DOK5: variants seen among roughly 807,000 people sequenced by gnomAD.
DOK5 encodes docking protein 5, also known as downstream of tyrosine kinase 5.
A neutral mutation model predicts 43.3 loss-of-function variants in DOK5; 27 were observed. That is an observed-to-expected ratio of 0.62 (90% CI 0.46 to 0.86). DOK5 has a LOEUF of 0.86. Ranked by LOEUF, DOK5 falls within the 40% of genes least tolerant of loss-of-function variation. DOK5 has a pLI of 0.00. For synonymous variants in DOK5, 146 were observed against 140.1 expected, an observed-to-expected ratio of 1.04 and a Z score of -0.30; for missense variants, 373 against 392.9, an observed-to-expected ratio of 0.95 and a Z score of 0.43.
At chr20:54,622,207 AT>A (rs1725783203) in intron 6 of DOK5, among the ~76,000 whole-genome samples, 1 of 150,960 alleles carries the variant, frequency 6.6e-6, no homozygotes, top group Non-Finnish European at 1.5e-5. Context: ...AAAAGAAAAA[AT>A]AAAAAAAATA....
chr20:54,515,095 C>A (rs1344993885), intron 1 of DOK5, among the ~76,000 whole-genome samples: 1 of 152,014 alleles, frequency 6.6e-6, no homozygotes, highest in Non-Finnish European at 1.5e-5. Flanking sequence ...ACTGTAATCT[C>A]CGCCTCCCAG....
At chr20:54,485,827 A>T (rs1253866899) in intron 1 of DOK5, among the ~76,000 whole-genome samples, 3 of 152,142 alleles carry the variant, frequency 2.0e-5, no homozygotes, top group African/African-American at 7.2e-5. Flanking sequence ...TGGTGTCATC[A>T]CTGTGTTTTA....
chr20:54,642,103 T>C (rs1331708144), intron 6 of DOK5, among the ~76,000 whole-genome samples: 1 of 152,162 alleles, frequency 6.6e-6, no homozygotes, highest in Non-Finnish European at 1.5e-5. Context: ...TGCACCCCCA[T>C]TCTTCTTGCA....
intron 1 of DOK5, among the ~76,000 whole-genome samples, chr20:54,513,737 A>C (rs1440718840): frequency 2.0e-5 from 3 of 152,210 alleles, no homozygotes; most frequent in African/African-American, 7.2e-5. Context: ...GATGTTGACT[A>C]TCCTTTGTCT....
At position 54,560,564 on chromosome 20, in the gene DOK5, A is replaced by C. The variant is rs77925686; in HGVS notation, c.174+5524A>C. ...AAGTATGAGTCAGTACCAGAGTGCC[A>C]AAGACTCCTGAAACACGTTCAAAAC... On this transcript the variant is annotated intron_variant, in intron 2 of 7. Coordinates refer to ENST00000262593, the MANE Select transcript of DOK5 (RefSeq NM_018431.5). Among the ~76,000 whole-genome samples, 1,045 of 152,312 alleles carry C rather than the reference A, an allele frequency of 6.9e-3. 8 individuals carry two copies. The highest frequency in any genetic ancestry group is 0.054 in the Middle Eastern group (16 of 294).
At chr20:54,616,861 C>T (rs1337804792) in intron 6 of DOK5, among the ~76,000 whole-genome samples, 1 of 145,682 alleles carries the variant, frequency 6.9e-6, no homozygotes, top group East Asian at 2.0e-4. Flanking sequence ...TATCTCGGCT[C>T]ACTGCACGCT....
At chr20:54,528,994 CT>C (rs1255206675) in intron 1 of DOK5, among the ~76,000 whole-genome samples, 2 of 152,282 alleles carry the variant, frequency 1.3e-5, no homozygotes, top group Non-Finnish European at 2.9e-5. Flanking sequence ...GTTAAAGCAT[CT>C]TTGCATCTTT....
intron 1 of DOK5, among the ~76,000 whole-genome samples, chr20:54,480,036 A>G (rs890496427): frequency 1.3e-5 from 2 of 152,000 alleles, no homozygotes; most frequent in African/African-American, 4.8e-5. Flanking sequence ...ACATTGCAAC[A>G]GTCTTCTCAT....
chr20:54,496,344 G>T (rs1982390512), intron 1 of DOK5, among the ~76,000 whole-genome samples: 1 of 152,184 alleles, frequency 6.6e-6, no homozygotes, highest in African/African-American at 2.4e-5. Flanking sequence ...CTAACAGGAA[G>T]AATATAAGGG....
chr20:54,560,764 G>T (rs933862395), intron 2 of DOK5, among the ~76,000 whole-genome samples: 4 of 152,114 alleles, frequency 2.6e-5, no homozygotes, highest in African/African-American at 9.7e-5. Context: ...GGGATCACAG[G>T]CATCCACCAC....
At position 54,582,137 on chromosome 20, in the gene DOK5, T is replaced by A. The variant is rs1428913758; in HGVS notation, c.175-6346T>A. Among the ~76,000 whole-genome samples, 3 of 151,952 alleles carry A rather than the reference T, an allele frequency of 2.0e-5. No homozygotes were observed. The East Asian group carries it at 5.8e-4, about 29-fold the overall frequency. On this transcript the variant is annotated intron_variant, in intron 2 of 7. Transcript: ENST00000262593. ...CATCTGTTGAGGTGATGATATACTT[T>A]TCATCCTTTCTTCTGTTAATGTGGT...
chr20:54,523,119 A>G (rs1252797553), intron 1 of DOK5, among the ~76,000 whole-genome samples: 1 of 152,220 alleles, frequency 6.6e-6, no homozygotes, highest in Non-Finnish European at 1.5e-5. Flanking sequence ...TATTGGCTTC[A>G]GGGAGAAAGT....
At chr20:54,549,778 T>C (rs1984462999) in intron 1 of DOK5, among the ~76,000 whole-genome samples, 1 of 152,228 alleles carries the variant, frequency 6.6e-6, no homozygotes, top group Non-Finnish European at 1.5e-5. Flanking sequence ...ATATTTTTTC[T>C]TGCAGTGGGC....
At chr20:54,557,358 A>ACCTAGATCCCTAGCATGCAC (rs1984740238) in intron 2 of DOK5, among the ~76,000 whole-genome samples, 2 of 152,126 alleles carry the variant, frequency 1.3e-5, no homozygotes, top group Non-Finnish European at 2.9e-5. Flanking sequence ...GGAGCAGGCA[A>ACCTAGATCCCTAGCATGCAC]CCTAGATCCC....
In DOK5 at chr20:54,590,513, CA is replaced by C. The variant is rs371137382; in HGVS notation, c.410-1101del. 7.5e-5 allele frequency among the ~76,000 whole-genome samples: 11 copies of C among 146,868 alleles called. No homozygotes were observed. The East Asian group carries it at 2.1e-3, about 28-fold the overall frequency. On this transcript the variant is annotated intron_variant, in intron 4 of 7. Coordinates refer to ENST00000262593, the MANE Select transcript of DOK5 (RefSeq NM_018431.5). ...GACAGTCTTTCTTACTTGGAACTTTCAAGGGGGGGGAATATGCTCAATTAGA... is the reference window on the plus strand; with the variant it reads ...GACAGTCTTTCTTACTTGGAACTTTCAGGGGGGGGAATATGCTCAATTAGA...
intron 1 of DOK5, among the ~76,000 whole-genome samples, chr20:54,484,065 C>T (rs530863797): frequency 6.6e-6 from 1 of 152,110 alleles, no homozygotes; most frequent in East Asian, 1.9e-4. Context: ...TCCCACTTTC[C>T]ACCTGCTATG....
intron 1 of DOK5, among the ~76,000 whole-genome samples, chr20:54,520,198 C>T (rs1441943649): frequency 1.3e-5 from 2 of 152,126 alleles, no homozygotes; most frequent in African/African-American, 4.8e-5. Context: ...CTCCAATCTT[C>T]CACTTGCTTA....
intron 1 of DOK5, among the ~76,000 whole-genome samples, chr20:54,551,169 C>T (rs911298056): frequency 1.3e-5 from 2 of 152,186 alleles, no homozygotes; most frequent in Non-Finnish European, 2.9e-5. Context: ...AACATGTTTT[C>T]ATGTGCTTCT....
At chr20:54,506,776 A>G (rs1019722765) in intron 1 of DOK5, among the ~76,000 whole-genome samples, 5 of 152,126 alleles carry the variant, frequency 3.3e-5, no homozygotes, top group Non-Finnish European at 7.4e-5. Flanking sequence ...AATATTTTTG[A>G]ATACCTGCTA....
Sources: gnomAD v4.1 joint callset for allele counts (sites outside exome capture counted in the v4.1 genomes callset) on GRCh38, gnomAD v4.1.1 for gene constraint, MANE v1.5 for transcripts, NCBI Gene and HGNC (gene_info 2026-07-23, HGNC 2026-07-21) for gene names.